Variants in GAS7 observed in about 807,000 individuals in gnomAD.
GAS7 encodes the protein growth arrest-specific protein 7.
A neutral mutation model predicts 71.1 loss-of-function variants in GAS7; 28 were observed. The ratio of observed to expected loss-of-function variants is 0.39; its 90% CI spans 0.29 to 0.54. GAS7 has a LOEUF of 0.54. Among genes scored for constraint, GAS7 ranks in the 20% least tolerant of loss-of-function variants. The probability of loss-of-function intolerance (pLI) is 0.62; values close to 1 mark genes in which losing one functional copy is unlikely to be tolerated. For synonymous variants in GAS7, 258 were observed against 245.8 expected, an observed-to-expected ratio of 1.05 and a Z score of -0.46; for missense variants, 436 against 627.8, an observed-to-expected ratio of 0.69 and a Z score of 3.27.
At position 9,919,969 on chromosome 17, in the gene GAS7, T is replaced by TTGTG. The variant is rs34994635; in HGVS notation, c.1139-268_1139-265dup. On this transcript the variant is annotated intron_variant, in intron 11 of 13. Transcript: ENST00000432992. This position sits in a 1 kb window ranked among gnomAD's most constrained non-coding sequence, Gnocchi z 5.0. ...AGGATTCAGGATGGTGGTTCTCATT[T>TTGTG]TGTGTGTGTGTGTGTGTGTGTGTGT... is the stretch of plus-strand genomic sequence containing the variant. Among the ~76,000 whole-genome samples the TTGTG allele has an allele frequency of 0.2, 26,081 of 131,228 alleles. 3,034 individuals carry two copies. The highest frequency in any genetic ancestry group is 0.25 in the Non-Finnish European group (15,411 of 62,568). The allele number at this position is 131,228 out of a possible 152,430, so 86.1% of individuals were successfully genotyped here. A position where few individuals can be genotyped will look rare whatever the true frequency, so the allele number is the denominator to read the frequency against.
chr17:10,010,412 A>G (rs1185362966), intron 2 of GAS7, among the ~76,000 whole-genome samples: 5 of 152,230 alleles, frequency 3.3e-5, no homozygotes, highest in Admixed American at 1.3e-4. Flanking sequence ...TCAGCCTCCC[A>G]AAGTGCTGGG....
In GAS7 at chr17:9,959,241, T is replaced by C. The variant is rs771257280; in HGVS notation, c.486A>G (p.Ser162=). The change falls in exon 5 of 14, where the codon TCA becomes TCG. Residue 162 remains serine (S), a synonymous_variant. Transcript: ENST00000432992. This position sits in a 1 kb window ranked among gnomAD's most constrained non-coding sequence, Gnocchi z 5.0. ...CCTTGCTCTGCTTTTTGCTTGGCGATGAGGATCCCAGGTTCTGGGGAGAGA... is the reference window on the plus strand; with the variant it reads ...CCTTGCTCTGCTTTTTGCTTGGCGACGAGGATCCCAGGTTCTGGGGAGAGA... ...STGDSQNLGS[S]SPSKKQSKEN... 1 of 1,614,164 alleles carries C rather than the reference T, an allele frequency of 6.2e-7. No individual in the cohort carries two copies.
intron 1 of GAS7, among the ~76,000 whole-genome samples, chr17:10,168,254 A>T (rs540560925): frequency 5.0e-4 from 76 of 152,352 alleles, no homozygotes; most frequent in South Asian, 3.1e-3. Context: ...CTAACAAAAA[A>T]AAATAACTTC....
At chr17:10,020,711 C>T (rs148904179) in intron 1 of GAS7, among the ~76,000 whole-genome samples, 4 of 151,816 alleles carry the variant, frequency 2.6e-5, no homozygotes, top group African/African-American at 4.8e-5. Flanking sequence ...CAGGAGTTCG[C>T]GACCAGCCTG....
intron 3 of GAS7, among the ~76,000 whole-genome samples, chr17:9,971,199 C>A (rs1357669858): frequency 7.9e-5 from 12 of 151,864 alleles, no homozygotes; most frequent in Non-Finnish European, 1.6e-4. Flanking sequence ...GAGTTCCAGA[C>A]CAGCCTGGGC....
At chr17:10,105,718 G>A (rs1433063524) in intron 1 of GAS7, among the ~76,000 whole-genome samples, 1 of 152,118 alleles carries the variant, frequency 6.6e-6, no homozygotes, top group Non-Finnish European at 1.5e-5. Flanking sequence ...AATCGCATGA[G>A]CCCGTGTAAC....
At chr17:9,984,351 A>C (rs2070554709) in intron 2 of GAS7, among the ~76,000 whole-genome samples, 1 of 152,084 alleles carries the variant, frequency 6.6e-6, no homozygotes, top group Non-Finnish European at 1.5e-5. Flanking sequence ...GGGTTTCAGG[A>C]AGGGTGAACC....
intron 1 of GAS7, among the ~76,000 whole-genome samples, chr17:10,094,514 G>A (rs775969239): frequency 1.3e-5 from 2 of 151,918 alleles, no homozygotes; most frequent in African/African-American, 4.8e-5. Context: ...TGTAGCACAG[G>A]CTGTAGTGCA....
chr17:10,058,042 G>C (rs2073171403), intron 1 of GAS7, among the ~76,000 whole-genome samples: 1 of 152,194 alleles, frequency 6.6e-6, no homozygotes, highest in South Asian at 2.1e-4. Context: ...ACAGATGCTT[G>C]AAGGCAGCAT....
intron 1 of GAS7, among the ~76,000 whole-genome samples, chr17:10,060,812 A>C (rs2073211812): frequency 2.0e-5 from 3 of 152,150 alleles, no homozygotes; most frequent in Admixed American, 2.0e-4. Context: ...TACATTTACC[A>C]TGTGGCCCAG....
At chr17:10,032,595 G>A (rs2152220901) in intron 1 of GAS7, among the ~76,000 whole-genome samples, 1 of 152,294 alleles carries the variant, frequency 6.6e-6, no homozygotes, top group African/African-American at 2.4e-5. Context: ...TGCATGGGAC[G>A]GCTTTTGTAA....
intron 1 of GAS7, among the ~76,000 whole-genome samples, chr17:10,185,054 G>A (rs190499556): frequency 9.5e-4 from 145 of 151,916 alleles, no homozygotes; most frequent in African/African-American, 3.2e-3. Context: ...AGCCTCCTGA[G>A]TAGCTGAGAC....
At chr17:10,118,707 A>G (rs80112292) in intron 1 of GAS7, among the ~76,000 whole-genome samples, 1 of 142,192 alleles carries the variant, frequency 7.0e-6, no homozygotes, top group Admixed American at 6.8e-5. Context: ...CTGTCTCCAA[A>G]AAAAAAAAAA....
chr17:10,036,321 C>A (rs2072750381), intron 1 of GAS7: 7 of 937,556 alleles, frequency 7.5e-6, no homozygotes, highest in African/African-American at 1.6e-5. Context: ...GCAGTTAGAC[C>A]CCAAATCTCA....
At chr17:10,131,913 T>C (rs556720819) in intron 1 of GAS7, among the ~76,000 whole-genome samples, 1 of 152,198 alleles carries the variant, frequency 6.6e-6, no homozygotes, top group African/African-American at 2.4e-5. Context: ...GTCATAAATG[T>C]ATAAAAATGT....
Position 9,969,605 on chromosome 17 carries a change from G to A in GAS7, c.471+72C>T. ...CTGCAGCCACCTGGACTCCCATGAT[G>A]GACTTTGTAATGCAGTTTCCTAGGC... is the stretch of plus-strand genomic sequence containing the variant. On this transcript the variant is annotated intron_variant, in intron 4 of 13. Coordinates refer to ENST00000432992, the MANE Select transcript of GAS7 (RefSeq NM_201433.2). The surrounding 1 kb of genome is among the most constrained non-coding windows in gnomAD (Gnocchi z 5.5). 1.1e-6 allele frequency: 1 copy of A among 919,078 alleles called. No homozygotes were observed. The highest frequency in any genetic ancestry group is 1.8e-6 in the Non-Finnish European group (1 of 554,506). The allele number at this position is 919,078 out of a possible 1,614,324, so 56.9% of individuals were successfully genotyped here.
intron 2 of GAS7, among the ~76,000 whole-genome samples, chr17:10,004,819 G>A (rs1312510781): frequency 6.6e-6 from 1 of 152,154 alleles, no homozygotes; most frequent in Admixed American, 6.5e-5. Context: ...AGACCAGCCT[G>A]ACCAACATGG....
Position 9,917,290 on chromosome 17 carries a change from T to C in GAS7, c.1369A>G (p.Arg457Gly). Residue 457 changes from arginine (R) to glycine (G), a missense_variant, in exon 14 of 14, where the codon AGG becomes GGG. Transcript: ENST00000432992. ...LLRKVDPAKD[R>G]ELWVREHKTG... Reference sequence around the variant, plus strand: ...TTGTGCTCTCTGACCCACAGCTCCCTGTCTTTGGCCGGGTCCACTTTTCGA... The same window carrying C: ...TTGTGCTCTCTGACCCACAGCTCCCCGTCTTTGGCCGGGTCCACTTTTCGA... 1 of 1,614,090 alleles carries C rather than the reference T, an allele frequency of 6.2e-7. No individual in the cohort carries two copies. Among genetic ancestry groups the C allele is most frequent in the Non-Finnish European group, 8.5e-7 (1 of 1,179,900 alleles).
At chr17:10,120,626 C>A (rs181398493) in intron 1 of GAS7, among the ~76,000 whole-genome samples, 143 of 152,260 alleles carry the variant, frequency 9.4e-4, no homozygotes, top group Non-Finnish European at 1.8e-3. Flanking sequence ...GCAGTAGAAT[C>A]GCTTGAACCT....
Sources: gnomAD v4.1 joint callset for allele counts (sites outside exome capture counted in the v4.1 genomes callset) on GRCh38, gnomAD v4.1.1 for gene constraint, Gnocchi (gnomAD v3.1) non-coding constraint, MANE v1.5 for transcripts, NCBI Gene and HGNC (gene_info 2026-07-23, HGNC 2026-07-21) for gene names.